Variants in MCPH1 observed in about 807,000 individuals in gnomAD.
MCPH1 encodes microcephalin 1.
In MCPH1, 104 loss-of-function variants were observed where a neutral mutation model predicts 84.5. The observed-to-expected ratio is 1.23, with a 90% confidence interval of 1.05 to 1.45. MCPH1 has a LOEUF of 1.45. Among genes scored for constraint, MCPH1 ranks in the 40% most tolerant of loss-of-function variants. MCPH1 has a pLI of 0.00. For missense variants in MCPH1, 1,498 were observed against 1,005.7 expected (o/e 1.49, Z -6.62); for synonymous variants, 514 against 366.8 (o/e 1.40, Z -4.58).
chr8:6,516,709 G>C (rs1043765103), intron 12 of MCPH1, among the ~76,000 whole-genome samples: 5 of 152,160 alleles, frequency 3.3e-5, no homozygotes, highest in Admixed American at 2.6e-4. Flanking sequence ...ATCCTAAATG[G>C]TATGCTCTTG....
intron 9 of MCPH1, among the ~76,000 whole-genome samples, chr8:6,463,755 C>T (rs779038035): frequency 1.3e-5 from 2 of 152,134 alleles, no homozygotes; most frequent in East Asian, 3.9e-4. Flanking sequence ...ATTTTCCTGG[C>T]GTTTCCTGTC....
intron 9 of MCPH1, chr8:6,477,362 C>T: frequency 2.0e-6 from 1 of 512,012 alleles, no homozygotes; most frequent in Non-Finnish European, 3.4e-6. Flanking sequence ...TTGTTTTGCT[C>T]TTGTACCTCA....
At chr8:6,539,465 G>T (rs2897911) in intron 12 of MCPH1, among the ~76,000 whole-genome samples, 84,704 of 152,022 alleles carry the variant, frequency 0.56, 25,463 homozygotes, top group Non-Finnish European at 0.67. Context: ...ACTTCTCTTA[G>T]GGAGCACACT....
At chr8:6,431,168 A>G (rs1031402866) in intron 3 of MCPH1, among the ~76,000 whole-genome samples, 1 of 152,228 alleles carries the variant, frequency 6.6e-6, no homozygotes, top group Non-Finnish European at 1.5e-5. Flanking sequence ...TTACTATTAA[A>G]TGATCCATTT....
At chr8:6,579,582 T>C (rs1485010687) in intron 12 of MCPH1, among the ~76,000 whole-genome samples, 1 of 152,238 alleles carries the variant, frequency 6.6e-6, no homozygotes, top group African/African-American at 2.4e-5. Context: ...TATGTAGTGT[T>C]TGGACTTTTT....
At chr8:6,613,989 T>G (rs934672216) in intron 12 of MCPH1, among the ~76,000 whole-genome samples, 1 of 152,086 alleles carries the variant, frequency 6.6e-6, no homozygotes, top group African/African-American at 2.4e-5. Flanking sequence ...ATTTCTCTGG[T>G]TTTTCTAAGG....
chr8:6,437,793 T>C (rs76689721), intron 5 of MCPH1, among the ~76,000 whole-genome samples: 3,810 of 152,238 alleles, frequency 0.025, 80 homozygotes, highest in African/African-American at 0.05. Flanking sequence ...TGGCCCTGCT[T>C]CTGAAATAGT....
intron 5 of MCPH1, among the ~76,000 whole-genome samples, chr8:6,437,333 C>T (rs879712956): frequency 6.6e-6 from 1 of 152,080 alleles, no homozygotes; most frequent in Non-Finnish European, 1.5e-5. Context: ...CGGGTTCAAG[C>T]AATTCTCCTG....
At chr8:6,623,688 CAAAAAAAAAA>C (rs377522481) in intron 13 of MCPH1, among the ~76,000 whole-genome samples, 4,889 of 92,352 alleles carry the variant, frequency 0.053, 246 homozygotes, top group East Asian at 0.32. Flanking sequence ...AACCAACTTC[CAAAAAAAAAA>C]AAAAAAAAAA....
intron 3 of MCPH1, among the ~76,000 whole-genome samples, chr8:6,421,331 A>G (rs1044409801): frequency 3.9e-5 from 6 of 152,054 alleles, no homozygotes; most frequent in African/African-American, 1.4e-4. Flanking sequence ...CTATCACCCA[A>G]CATTCCTAGT....
At chr8:6,493,990 G>C (rs1411561342) in intron 11 of MCPH1, 1 of 152,010 alleles carries the variant, frequency 6.6e-6, no homozygotes, top group African/African-American at 2.4e-5. Flanking sequence ...GCCCAGGCTG[G>C]AGTGCAGTGG....
intron 12 of MCPH1, among the ~76,000 whole-genome samples, chr8:6,608,697 A>G (rs1829990146): frequency 6.6e-6 from 1 of 152,224 alleles, no homozygotes; most frequent in Middle Eastern, 3.2e-3. Flanking sequence ...TACTTCAATC[A>G]GAATGCTCGG....
rs1237385191 is a variant in MCPH1 at position 6,425,381 on chromosome 8, G to T, written c.234-6118G>T. Among the ~76,000 whole-genome samples, 3 of 152,226 alleles carry T rather than the reference G, an allele frequency of 2.0e-5. No individual in the cohort carries two copies. In the South Asian group the frequency reaches 6.2e-4, roughly 31 times the overall value. On this transcript the variant is annotated intron_variant, in intron 3 of 13. Transcript: ENST00000344683. ...TTTTTTGTCTGTTCAGTAGATTTTG[G>T]TTGGACCCCTGGTAAACATGGGTTT...
intron 12 of MCPH1, among the ~76,000 whole-genome samples, chr8:6,546,151 G>A (rs892328552): frequency 1.3e-5 from 2 of 152,254 alleles, no homozygotes; most frequent in African/African-American, 4.8e-5. Flanking sequence ...CTATGCTAGT[G>A]TGAAAATTAA....
intron 12 of MCPH1, among the ~76,000 whole-genome samples, chr8:6,588,270 C>T (rs570406985): frequency 1.3e-5 from 2 of 152,150 alleles, no homozygotes; most frequent in Admixed American, 1.3e-4. Flanking sequence ...CAGAGCCAGG[C>T]CAGCCCAGCA....
At chr8:6,479,032 A>C (rs1029238401) in intron 10 of MCPH1, among the ~76,000 whole-genome samples, 2 of 152,234 alleles carry the variant, frequency 1.3e-5, no homozygotes, top group African/African-American at 4.8e-5. Context: ...TGAGGGTCCC[A>C]GGTGGACATA....
At chr8:6,487,508 C>T (rs1158772832) in intron 11 of MCPH1, among the ~76,000 whole-genome samples, 2 of 152,228 alleles carry the variant, frequency 1.3e-5, no homozygotes, top group African/African-American at 4.8e-5. Flanking sequence ...CCCTGCATTC[C>T]TAAGTCTGTT....
At chr8:6,610,881 G>A (rs1037188244) in intron 12 of MCPH1, among the ~76,000 whole-genome samples, 6 of 151,582 alleles carry the variant, frequency 4.0e-5, no homozygotes, top group East Asian at 1.9e-4. Context: ...ACTGTTTCAC[G>A]GACAGTGTTT....
At chr8:6,557,164 A>C (rs1323697959) in intron 12 of MCPH1, among the ~76,000 whole-genome samples, 3 of 152,090 alleles carry the variant, frequency 2.0e-5, no homozygotes, top group Non-Finnish European at 4.4e-5. Context: ...CCCACGGAAA[A>C]TTCTGCTTTT....
Sources: gnomAD v4.1 joint callset for allele counts (sites outside exome capture counted in the v4.1 genomes callset) on GRCh38, gnomAD v4.1.1 for gene constraint, MANE v1.5 for transcripts, NCBI Gene and HGNC (gene_info 2026-07-23, HGNC 2026-07-21) for gene names.